SETBP1: variants seen among roughly 807,000 people sequenced by gnomAD.
The protein encoded by SETBP1 is SET binding protein 1.
SETBP1 carries 9 observed loss-of-function variants against 101.0 expected under a neutral mutation model. That is an observed-to-expected ratio of 0.09 (90% CI 0.05 to 0.16). The LOEUF (loss-of-function observed/expected upper bound fraction) is 0.16. Ranked by LOEUF, SETBP1 falls within the 10% of genes least tolerant of loss-of-function variation. The probability of loss-of-function intolerance (pLI) is 1.00; values close to 1 mark genes in which losing one functional copy is unlikely to be tolerated. For missense variants in SETBP1, 1,858 were observed against 2,033.8 expected (o/e 0.91, Z 1.66); for synonymous variants, 818 against 788.5 (o/e 1.04, Z -0.63).
intron 4 of SETBP1, among the ~76,000 whole-genome samples, chr18:44,978,701 G>A (rs538354903): frequency 7.9e-5 from 12 of 152,152 alleles, no homozygotes; most frequent in Non-Finnish European, 1.8e-4. Context: ...ACCATAGTGA[G>A]TCTTTTATAG....
At chr18:44,744,293 C>A (rs182047899) in intron 2 of SETBP1, among the ~76,000 whole-genome samples, 1 of 152,238 alleles carries the variant, frequency 6.6e-6, no homozygotes, top group Non-Finnish European at 1.5e-5. Flanking sequence ...CTGCTCCCCC[C>A]TTCCCTGCAG....
chr18:44,850,137 CT>C (rs1184485506), intron 2 of SETBP1, among the ~76,000 whole-genome samples: 5 of 152,172 alleles, frequency 3.3e-5, no homozygotes, highest in African/African-American at 1.2e-4. Context: ...TTCTTTAGCA[CT>C]AAATCAGTGA....
intron 4 of SETBP1, among the ~76,000 whole-genome samples, chr18:45,003,219 G>C (rs1599434314): frequency 6.6e-6 from 1 of 152,138 alleles, no homozygotes; most frequent in Admixed American, 6.5e-5. Flanking sequence ...AAAATCACTT[G>C]TGCACAATTC....
chr18:44,935,455 TA>T (rs1245410998), intron 3 of SETBP1, among the ~76,000 whole-genome samples: 1 of 152,198 alleles, frequency 6.6e-6, no homozygotes, highest in Non-Finnish European at 1.5e-5. Context: ...TCTTGGTGCA[TA>T]ATCTTGGAAC....
At chr18:44,824,711 A>G (rs963257785) in intron 2 of SETBP1, among the ~76,000 whole-genome samples, 4 of 152,172 alleles carry the variant, frequency 2.6e-5, no homozygotes, top group Non-Finnish European at 4.4e-5. Context: ...TCTTTTCCCC[A>G]GGGAATTGCC....
chr18:45,036,127 A>G (rs2145485821), intron 4 of SETBP1, among the ~76,000 whole-genome samples: 1 of 152,136 alleles, frequency 6.6e-6, no homozygotes. Flanking sequence ...ATGTCAGGAG[A>G]TCGAGACCAT....
intron 2 of SETBP1, among the ~76,000 whole-genome samples, chr18:44,706,442 C>T (rs1255389926): frequency 6.6e-6 from 1 of 151,300 alleles, no homozygotes; most frequent in Admixed American, 6.6e-5. Flanking sequence ...AAAAATTAGC[C>T]AGGCATGGGG....
Position 44,861,229 on chromosome 18 carries a change from C to CTTTT in SETBP1, c.487-7977_487-7974dup, listed in dbSNP as rs775284488. On this transcript the variant is annotated intron_variant, in intron 2 of 5. Coordinates refer to ENST00000649279, the MANE Select transcript of SETBP1 (RefSeq NM_015559.3). ...GTCTTGTGGATTTCCTTTTTCTTTT[C>CTTTT]TTTTTTTTTTTTTTTTTTTTTTTTT... Among the ~76,000 whole-genome samples the CTTTT allele has an allele frequency of 1.5e-3, 131 of 88,338 alleles. 7 individuals carry two copies. Among genetic ancestry groups the CTTTT allele is most frequent in the African/African-American group, 4.7e-3 (107 of 22,828 alleles). 58.0% of individuals were successfully genotyped at this position (88,338 alleles called of 152,430 possible).
intron 3 of SETBP1, among the ~76,000 whole-genome samples, chr18:44,890,771 G>A (rs1443631872): frequency 6.6e-6 from 1 of 152,078 alleles, no homozygotes; most frequent in Non-Finnish European, 1.5e-5. Flanking sequence ...ACCTCATGAA[G>A]GCAGTTACTG....
chr18:44,728,254 C>T (rs1013502786), intron 2 of SETBP1, among the ~76,000 whole-genome samples: 8 of 152,160 alleles, frequency 5.3e-5, no homozygotes, highest in Admixed American at 2.6e-4. Flanking sequence ...GAAGTAGAAA[C>T]CTTCTGGAGA....
Position 44,857,030 on chromosome 18 carries a change from T to C in SETBP1, c.487-12200T>C, listed in dbSNP as rs1191950294. Among the ~76,000 whole-genome samples the C allele has an allele frequency of 7.2e-5, 11 of 152,222 alleles. 1 individual carries two copies. The highest frequency in any genetic ancestry group is 1.2e-4 in the Non-Finnish European group (8 of 68,038). ...GAGCTGAGTTCTCCAATTTTTCTTATCTAGTTATAAGTGAAGCACAAACAG... is the reference window on the plus strand; with the variant it reads ...GAGCTGAGTTCTCCAATTTTTCTTACCTAGTTATAAGTGAAGCACAAACAG... On this transcript the variant is annotated intron_variant, in intron 2 of 5. Coordinates refer to ENST00000649279, the MANE Select transcript of SETBP1 (RefSeq NM_015559.3).
At chr18:45,003,816 A>C (rs927295257) in intron 4 of SETBP1, among the ~76,000 whole-genome samples, 1 of 152,152 alleles carries the variant, frequency 6.6e-6, no homozygotes, top group Non-Finnish European at 1.5e-5. Flanking sequence ...ACTCTCTTTT[A>C]AATTCCAGGA....
chr18:44,726,388 C>T (rs1439858482), intron 2 of SETBP1, among the ~76,000 whole-genome samples: 2 of 152,138 alleles, frequency 1.3e-5, no homozygotes, highest in Non-Finnish European at 2.9e-5. Context: ...TGGGAGGCAC[C>T]AATCTAAGCC....
chr18:44,936,830 C>T (rs9945250), intron 3 of SETBP1, among the ~76,000 whole-genome samples: 5,915 of 152,184 alleles, frequency 0.039, 367 homozygotes, highest in African/African-American at 0.13. Flanking sequence ...TGCATATTGT[C>T]AGGTAGCCCC....
intron 5 of SETBP1, among the ~76,000 whole-genome samples, chr18:45,041,009 C>T (rs1389079518): frequency 6.6e-6 from 1 of 152,186 alleles, no homozygotes; most frequent in African/African-American, 2.4e-5. Context: ...CCTGGGAGAG[C>T]TAGAAACACA....
intron 4 of SETBP1, among the ~76,000 whole-genome samples, chr18:44,963,131 C>T (rs971042535): frequency 6.6e-6 from 1 of 152,170 alleles, no homozygotes; most frequent in African/African-American, 2.4e-5. Flanking sequence ...CTGGAATTTT[C>T]CTAGCATCCT....
chr18:44,898,216 T>C (rs1436795327), intron 3 of SETBP1, among the ~76,000 whole-genome samples: 1 of 152,204 alleles, frequency 6.6e-6, no homozygotes, highest in Non-Finnish European at 1.5e-5. Flanking sequence ...CTTGATTCTA[T>C]ATATTTATAA....
intron 3 of SETBP1, among the ~76,000 whole-genome samples, chr18:44,875,527 C>CAA (rs10645515): frequency 0.12 from 7,541 of 61,564 alleles, 819 homozygotes; most frequent in East Asian, 0.15. Context: ...GACTCCATCT[C>CAA]AAAAAAAAAA....
chr18:44,748,324 A>G (rs572911194), intron 2 of SETBP1, among the ~76,000 whole-genome samples: 1 of 152,332 alleles, frequency 6.6e-6, no homozygotes, highest in East Asian at 1.9e-4. Context: ...TTTCCTATTT[A>G]CTTAGGAAGA....
Sources: gnomAD v4.1 joint callset for allele counts (sites outside exome capture counted in the v4.1 genomes callset) on GRCh38, gnomAD v4.1.1 for gene constraint, MANE v1.5 for transcripts, NCBI Gene and HGNC (gene_info 2026-07-23, HGNC 2026-07-21) for gene names.